DOCK3: variants seen among roughly 807,000 people sequenced by gnomAD.
The protein encoded by DOCK3 is dedicator of cytokinesis 3, also known as dedicator of cytokinesis protein 3.
DOCK3 carries 60 observed loss-of-function variants against 265.6 expected under a neutral mutation model. The observed-to-expected ratio is 0.23, with a 90% CI of 0.18 to 0.28. The LOEUF is 0.28. DOCK3 is among the 10% of genes least tolerant of loss of function. DOCK3 has a pLI of 1.00. For missense variants in DOCK3, 1,981 were observed against 2,594.3 expected, an observed-to-expected ratio of 0.76 and a Z score of 5.14; for synonymous variants, 881 against 938.0, an observed-to-expected ratio of 0.94 and a Z score of 1.11.
chr3:50,978,879 C>T (rs1376041420), intron 5 of DOCK3, among the ~76,000 whole-genome samples: 1 of 152,192 alleles, frequency 6.6e-6, no homozygotes, highest in East Asian at 1.9e-4. Context: ...CGGAAAAGCG[C>T]AGTATTCGGG....
At chr3:51,312,940 G>T in intron 31 of DOCK3, 38 bp downstream of exon 31, 1 of 1,552,162 alleles carries the variant, frequency 6.4e-7, no homozygotes, top group African/African-American at 1.4e-5. Flanking sequence ...TCTATATATT[G>T]CATAGCCAAA....
At chr3:51,150,151 T>C (rs886900335) in intron 10 of DOCK3, among the ~76,000 whole-genome samples, 2 of 152,244 alleles carry the variant, frequency 1.3e-5, no homozygotes, top group African/African-American at 2.4e-5. Flanking sequence ...TATTCTCTGA[T>C]GGTAGTTTGT....
intron 1 of DOCK3, among the ~76,000 whole-genome samples, chr3:50,725,649 G>A (rs1035265546): frequency 6.6e-6 from 1 of 152,096 alleles, no homozygotes; most frequent in Admixed American, 6.5e-5. Flanking sequence ...CCTACTCACC[G>A]TCTCCCATTC....
intron 38 of DOCK3, among the ~76,000 whole-genome samples, chr3:51,344,144 G>A (rs1024752228): frequency 2.0e-5 from 3 of 152,160 alleles, no homozygotes; most frequent in African/African-American, 4.8e-5. Context: ...TCTCCTGCTT[G>A]AGGGTTTACC....
chr3:51,286,841 A>G (rs2081435226), intron 27 of DOCK3, among the ~76,000 whole-genome samples: 1 of 152,256 alleles, frequency 6.6e-6, no homozygotes, highest in Admixed American at 6.5e-5. Flanking sequence ...ACTTAAATGT[A>G]AAACCTAAAA....
chr3:51,235,001 A>G (rs1343352974), intron 19 of DOCK3, among the ~76,000 whole-genome samples: 2 of 152,248 alleles, frequency 1.3e-5, no homozygotes, highest in Non-Finnish European at 2.9e-5. Context: ...CATCCTGTCC[A>G]TAATGAACAT....
chr3:51,305,560 G>A (rs989299784), intron 27 of DOCK3, among the ~76,000 whole-genome samples: 1 of 151,954 alleles, frequency 6.6e-6, no homozygotes, highest in Admixed American at 6.6e-5. Flanking sequence ...TACTGTAACT[G>A]CCAATAAAGG....
chr3:51,273,582 A>G (rs901753078), intron 24 of DOCK3, among the ~76,000 whole-genome samples: 1 of 152,236 alleles, frequency 6.6e-6, no homozygotes, highest in Non-Finnish European at 1.5e-5. Context: ...TACATAGTGC[A>G]GTATCAACTT....
chr3:51,041,162 GTATATATATATATATATATATATATATA>G (rs1167854334), intron 5 of DOCK3, among the ~76,000 whole-genome samples: 33 of 30,880 alleles, frequency 1.1e-3, no homozygotes, highest in South Asian at 3.1e-3. Flanking sequence ...CTTACAAAAT[GTATATATATATATATATATATATATATA>G]TATATATATA....
intron 5 of DOCK3, among the ~76,000 whole-genome samples, chr3:51,053,104 T>TAG (rs1559994131): frequency 8.3e-6 from 1 of 121,052 alleles, no homozygotes; most frequent in African/African-American, 3.0e-5. Context: ...TATATATATA[T>TAG]ATATATATAT....
chr3:50,748,242 A>C (rs868214122), intron 1 of DOCK3, among the ~76,000 whole-genome samples: 1 of 152,186 alleles, frequency 6.6e-6, no homozygotes, highest in African/African-American at 2.4e-5. Flanking sequence ...CTTTGCCTCA[A>C]GTGATCTTTC....
At chr3:51,086,802 CA>C in intron 7 of DOCK3, among the ~76,000 whole-genome samples, 1 of 150,150 alleles carries the variant, frequency 6.7e-6, no homozygotes, top group African/African-American at 2.4e-5. Context: ...ATCCCAAAAA[CA>C]AAACAAAACA....
At chr3:51,001,086 C>T (rs1338421672) in intron 5 of DOCK3, among the ~76,000 whole-genome samples, 4 of 152,212 alleles carry the variant, frequency 2.6e-5, no homozygotes, top group Non-Finnish European at 5.9e-5. Context: ...TGATCTATTT[C>T]GAATAAAGCA....
chr3:50,723,243 G>A (rs1040832847), intron 1 of DOCK3, among the ~76,000 whole-genome samples: 8 of 152,170 alleles, frequency 5.3e-5, no homozygotes, highest in Admixed American at 2.0e-4. Flanking sequence ...ATACCAAACC[G>A]TAAAAAGAAA....
At chr3:51,349,130 C>T (rs2085795764) in intron 39 of DOCK3, among the ~76,000 whole-genome samples, 192 bp downstream of exon 39, 1 of 152,142 alleles carries the variant, frequency 6.6e-6, no homozygotes, top group African/African-American at 2.4e-5. Context: ...ATTGTATGAT[C>T]TAGACCCCAA....
At position 51,361,822 on chromosome 3, in the gene DOCK3, G is replaced by A. The variant is rs1477985807; in HGVS notation, c.5007-37G>A. On this transcript the variant is annotated intron_variant, in intron 47 of 52. Coordinates refer to ENST00000266037, the MANE Select transcript of DOCK3 (RefSeq NM_004947.5). The surrounding 1 kb of genome is among the most constrained non-coding windows in gnomAD (Gnocchi z 4.2). Reference sequence around the variant, plus strand: ...TACTGTCCCCCTGCCACCTGCCATGGGCCTGACTCCTCCCTATTTCCCACT... The same window carrying A: ...TACTGTCCCCCTGCCACCTGCCATGAGCCTGACTCCTCCCTATTTCCCACT... 2 of 1,602,666 alleles carry A rather than the reference G, an allele frequency of 1.2e-6. No individual in the cohort carries two copies. The highest frequency in any genetic ancestry group is 1.7e-6 in the Non-Finnish European group (2 of 1,174,158).
chr3:51,144,181 C>T (rs1258810025), intron 9 of DOCK3, among the ~76,000 whole-genome samples: 1 of 152,168 alleles, frequency 6.6e-6, no homozygotes, highest in African/African-American at 2.4e-5. Context: ...AACAAAGACT[C>T]CCTCAACCCC....
chr3:50,782,452 G>A (rs1039683567), intron 2 of DOCK3, among the ~76,000 whole-genome samples: 2 of 150,994 alleles, frequency 1.3e-5, no homozygotes, highest in East Asian at 1.9e-4. Flanking sequence ...TACCACGCCC[G>A]GCTAATTTTT....
intron 25 of DOCK3, 105 bp from the exon 26 acceptor site, chr3:51,277,503 G>C: frequency 7.2e-7 from 1 of 1,387,410 alleles, no homozygotes; most frequent in Non-Finnish European, 9.5e-7. Flanking sequence ...CTTGGTGTTG[G>C]GAATCCAGAA....
Sources: allele counts gnomAD v4.1 joint callset (sites outside exome capture counted in the v4.1 genomes callset), GRCh38; gene constraint gnomAD v4.1.1; non-coding constraint Gnocchi (gnomAD v3.1); transcripts MANE v1.5; gene names NCBI Gene and HGNC (gene_info 2026-07-23, HGNC 2026-07-21).